The following PTPRR variants were observed in gnomAD, a reference collection of about 807,000 sequenced individuals.
PTPRR encodes the protein receptor-type tyrosine-protein phosphatase R.
A neutral mutation model predicts 77.2 loss-of-function variants in PTPRR; 38 were observed. The ratio of observed to expected loss-of-function variants is 0.49; its 90% CI spans 0.38 to 0.65. PTPRR has a LOEUF of 0.65. PTPRR is among the 30% of genes least tolerant of loss of function. The pLI, the probability that PTPRR is intolerant of heterozygous loss-of-function variation, is 0.00. For synonymous variants in PTPRR, 299 were observed against 283.1 expected (o/e 1.06, Z -0.57); for missense variants, 744 against 799.2 (o/e 0.93, Z 0.83).
chr12:70,745,594 T>C (rs1890187568), intron 6 of PTPRR, among the ~76,000 whole-genome samples: 1 of 152,184 alleles, frequency 6.6e-6, no homozygotes, highest in Admixed American at 6.5e-5. Flanking sequence ...ATCTATACCA[T>C]CTTGAATCTA....
chr12:70,735,598 G>C (rs1006758860), intron 6 of PTPRR, among the ~76,000 whole-genome samples: 4 of 152,194 alleles, frequency 2.6e-5, no homozygotes, highest in African/African-American at 9.6e-5. Flanking sequence ...AACCATATCA[G>C]AAGATTAAAA....
chr12:70,703,033 TTCC>T (rs1277946383), intron 6 of PTPRR, among the ~76,000 whole-genome samples: 1 of 151,916 alleles, frequency 6.6e-6, no homozygotes, highest in African/African-American at 2.4e-5. Flanking sequence ...TATTCTTTCC[TTCC>T]TTTTTTTTTT....
intron 6 of PTPRR, among the ~76,000 whole-genome samples, chr12:70,710,792 G>GA (rs1392864509): frequency 6.6e-6 from 1 of 152,006 alleles, no homozygotes; most frequent in Non-Finnish European, 1.5e-5. Flanking sequence ...ACAATCATAT[G>GA]AAAAAAATCT....
rs1892127905 is a variant in PTPRR, at chr12:70,827,312, C to A, written c.358-62534G>T. ...ATGAATAGTAGGTATCCGTCTTGAT[C>A]ATTTTGGACTGATATAACAAACTGC... On this transcript the variant is annotated intron_variant, in intron 2 of 13. Transcript: ENST00000283228. Among the ~76,000 whole-genome samples, 4 of 152,286 alleles carry A rather than the reference C, an allele frequency of 2.6e-5. 1 individual carries two copies. The South Asian group carries it at 8.3e-4, about 32-fold the overall frequency.
chr12:70,767,038 C>G (rs191288667), intron 2 of PTPRR, among the ~76,000 whole-genome samples: 1 of 151,924 alleles, frequency 6.6e-6, no homozygotes. Flanking sequence ...AAGGAACAAC[C>G]GGTACCAGCC....
At chr12:70,872,253 A>C (rs1378202085) in intron 2 of PTPRR, among the ~76,000 whole-genome samples, 1 of 152,182 alleles carries the variant, frequency 6.6e-6, no homozygotes, top group African/African-American at 2.4e-5. Flanking sequence ...ATAATGGCAC[A>C]TGAAGTAGGC....
chr12:70,655,291 G>A (rs961559596), intron 13 of PTPRR, among the ~76,000 whole-genome samples: 1 of 152,220 alleles, frequency 6.6e-6, no homozygotes, highest in African/African-American at 2.4e-5. Flanking sequence ...TGTGTTGTTG[G>A]TGGGAATGTA....
intron 8 of PTPRR, among the ~76,000 whole-genome samples, chr12:70,685,827 G>T (rs1887848024): frequency 6.6e-6 from 1 of 152,028 alleles, no homozygotes; most frequent in Admixed American, 6.6e-5. Context: ...TTTAATAAAA[G>T]TACCTAAGAT....
chr12:70,736,052 G>T (rs536897657), intron 6 of PTPRR, among the ~76,000 whole-genome samples: 17 of 152,286 alleles, frequency 1.1e-4, no homozygotes, highest in African/African-American at 4.1e-4. Flanking sequence ...TTTCTGACTT[G>T]AGTATTCTGA....
intron 6 of PTPRR, among the ~76,000 whole-genome samples, chr12:70,745,235 C>T (rs1309056745): frequency 1.3e-5 from 2 of 152,096 alleles, no homozygotes; most frequent in African/African-American, 4.8e-5. Context: ...TGGCTATTGG[C>T]CAGGCTGGTC....
chr12:70,839,735 G>A (rs1327159697), intron 2 of PTPRR, among the ~76,000 whole-genome samples: 1 of 152,096 alleles, frequency 6.6e-6, no homozygotes, highest in South Asian at 2.1e-4. Flanking sequence ...CCCCCTTTTG[G>A]TAACTGGCTG....
In PTPRR at chr12:70,638,190, T is replaced by C. The variant is rs1885826996; in HGVS notation, c.*994A>G. The C allele has an allele frequency of 6.6e-6, 1 of 152,608 alleles. No individual in the cohort carries two copies. Among genetic ancestry groups the C allele is most frequent in the South Asian group, 2.1e-4 (1 of 4,822 alleles). The allele number at this position is 152,608 out of a possible 1,614,324, so 9.5% of individuals were successfully genotyped here. A position where few individuals can be genotyped will look rare whatever the true frequency, so the allele number is the denominator to read the frequency against. On this transcript the variant is annotated 3_prime_UTR_variant, in exon 14 of 14. Transcript: ENST00000283228. Reference sequence around the variant, plus strand: ...TGCTGAGGGTAGTTATTTTAATTTTTTTTGTCTCTTGAAGATTGAAAGCTT... The same window carrying C: ...TGCTGAGGGTAGTTATTTTAATTTTCTTTGTCTCTTGAAGATTGAAAGCTT...
At chr12:70,687,151 A>G (rs1887898294) in intron 8 of PTPRR, among the ~76,000 whole-genome samples, 1 of 152,046 alleles carries the variant, frequency 6.6e-6, no homozygotes, top group Non-Finnish European at 1.5e-5. Flanking sequence ...TGCAGCACAG[A>G]GAGGTTAAGT....
At chr12:70,814,548 G>A (rs1891866479) in intron 2 of PTPRR, among the ~76,000 whole-genome samples, 1 of 152,068 alleles carries the variant, frequency 6.6e-6, no homozygotes, top group Non-Finnish European at 1.5e-5. Context: ...GCTTATAGTG[G>A]AGATCCAGCT....
chr12:70,823,060 A>G (rs1396285774), intron 2 of PTPRR, among the ~76,000 whole-genome samples: 3 of 151,142 alleles, frequency 2.0e-5, no homozygotes, highest in South Asian at 2.1e-4. Flanking sequence ...TCAGCAACAC[A>G]AAGTTCTCTC....
intron 6 of PTPRR, among the ~76,000 whole-genome samples, chr12:70,728,351 C>A (rs1592710633): frequency 8.4e-6 from 1 of 119,326 alleles, no homozygotes. Flanking sequence ...ATTCCAAAAT[C>A]TGAAAAAAAA....
At chr12:70,783,350 A>C (rs546896656) in intron 2 of PTPRR, among the ~76,000 whole-genome samples, 1 of 152,074 alleles carries the variant, frequency 6.6e-6, no homozygotes, top group East Asian at 1.9e-4. Flanking sequence ...AGCAGAGAGG[A>C]GGCCCTGGAG....
At chr12:70,652,789 A>G (rs908920540) in intron 13 of PTPRR, among the ~76,000 whole-genome samples, 97 of 152,312 alleles carry the variant, frequency 6.4e-4, no homozygotes, top group African/African-American at 2.3e-3. Context: ...AAAAAAATGC[A>G]TTTGTAATTC....
chr12:70,690,628 A>G (rs1592676757), intron 8 of PTPRR, among the ~76,000 whole-genome samples: 2 of 152,272 alleles, frequency 1.3e-5, no homozygotes, highest in Non-Finnish European at 2.9e-5. Flanking sequence ...CAACAAACAC[A>G]TGGCCTGGAC....
Sources: allele counts gnomAD v4.1 joint callset (sites outside exome capture counted in the v4.1 genomes callset), GRCh38; gene constraint gnomAD v4.1.1; transcripts MANE v1.5; gene names NCBI Gene and HGNC (gene_info 2026-07-23, HGNC 2026-07-21).